Variants in FOLH1 observed in about 807,000 individuals in gnomAD.
FOLH1 encodes folate hydrolase 1, also known as glutamate carboxypeptidase 2.
FOLH1 carries 54 observed loss-of-function variants against 93.9 expected under a neutral mutation model. That is an observed-to-expected ratio of 0.57 (90% CI 0.46 to 0.72). The LOEUF is 0.72. Ranked by LOEUF, FOLH1 falls within the 30% of genes least tolerant of loss-of-function variation. The pLI is 0.00. For synonymous variants in FOLH1, 249 were observed against 303.6 expected, an observed-to-expected ratio of 0.82 and a Z score of 1.87; for missense variants, 571 against 892.5, an observed-to-expected ratio of 0.64 and a Z score of 4.59.
intron 11 of FOLH1, among the ~76,000 whole-genome samples, chr11:49,169,831 T>C (rs903442733): frequency 6.6e-6 from 1 of 152,188 alleles, no homozygotes; most frequent in Non-Finnish European, 1.5e-5. Context: ...AAAGTTTTTT[T>C]GAGATATCAA....
chr11:49,191,503 A>G (rs1489824022), intron 4 of FOLH1, among the ~76,000 whole-genome samples: 2 of 152,196 alleles, frequency 1.3e-5, no homozygotes, highest in Admixed American at 6.5e-5. Flanking sequence ...TTTTAAGTCT[A>G]TTTGAAGGAA....
intron 3 of FOLH1, among the ~76,000 whole-genome samples, chr11:49,198,232 A>G (rs1284146863): frequency 6.6e-6 from 1 of 152,176 alleles, no homozygotes; most frequent in African/African-American, 2.4e-5. Flanking sequence ...AAAACTAACC[A>G]GCACTTTGGG....
At chr11:49,156,887 C>T in intron 14 of FOLH1, 80 bp from the exon 15 acceptor site, 1 of 1,585,322 alleles carries the variant, frequency 6.3e-7, no homozygotes, top group South Asian at 1.1e-5. Flanking sequence ...AAACTAAACC[C>T]CATTCTTACT....
At chr11:49,188,386 C>T (rs1205504287) in intron 4 of FOLH1, among the ~76,000 whole-genome samples, 1 of 151,500 alleles carries the variant, frequency 6.6e-6, no homozygotes, top group African/African-American at 2.4e-5. Flanking sequence ...GTGGTGGCAC[C>T]GCCTGTAATC....
chr11:49,185,691 G>A lies in FOLH1; in HGVS notation c.804C>T (p.Leu268=). Residue 268 remains leucine, a synonymous_variant, in exon 6 of 19, where the codon CTC becomes CTT. Coordinates refer to ENST00000256999, the MANE Select transcript of FOLH1 (RefSeq NM_004476.3). The part of the protein sequence containing the change: ...ILNLNGAGDP[L]TPGYPANEYA... ...CACCATTTGCTGGGTAACCTGGTGT[G>A]AGAGGGTCTCCTGCACCATTCAGAT... The A allele has an allele frequency of 1.9e-6, 3 of 1,613,818 alleles. No homozygotes were observed. Among genetic ancestry groups the A allele is most frequent in the Non-Finnish European group, 2.5e-6 (3 of 1,179,800 alleles).
At chr11:49,200,531 T>C in intron 2 of FOLH1, 90 bp from the exon 3 acceptor site, 1 of 1,382,986 alleles carries the variant, frequency 7.2e-7, no homozygotes, top group South Asian at 1.3e-5. Context: ...TACACAAAAG[T>C]ACTTTGAAGT....
rs1427675907 is a variant in FOLH1 at position 49,146,359 on chromosome 11, G to C, written c.*397C>G. Reference sequence around the variant, plus strand: ...AGCCCAGGCTGGCCAGGTAGGCCGTGAGGCCTCTGGCTTGGGATAATCTTG... The same window carrying C: ...AGCCCAGGCTGGCCAGGTAGGCCGTCAGGCCTCTGGCTTGGGATAATCTTG... On this transcript the variant is annotated 3_prime_UTR_variant, in exon 19 of 19. Coordinates refer to ENST00000256999, the MANE Select transcript of FOLH1 (RefSeq NM_004476.3). Among the ~76,000 whole-genome samples the C allele has an allele frequency of 6.6e-6, 1 of 152,222 alleles. No individual in the cohort carries two copies. Among genetic ancestry groups the C allele is most frequent in the East Asian group, 1.9e-4 (1 of 5,192 alleles).
intron 10 of FOLH1, among the ~76,000 whole-genome samples, chr11:49,172,777 A>T (rs1346201445): frequency 6.6e-6 from 1 of 152,216 alleles, no homozygotes; most frequent in Non-Finnish European, 1.5e-5. Flanking sequence ...ACTAAATTTT[A>T]CTTTGGCTTT....
At chr11:49,182,409 T>G (rs1860868553) in intron 7 of FOLH1, among the ~76,000 whole-genome samples, 2 of 150,142 alleles carry the variant, frequency 1.3e-5, no homozygotes, top group Non-Finnish European at 3.0e-5. Context: ...AATGCCAGGT[T>G]AAGCAGAACA....
At chr11:49,171,361 A>C in intron 10 of FOLH1, 84 bp from the exon 11 acceptor site, 1 of 1,451,894 alleles carries the variant, frequency 6.9e-7, no homozygotes, top group Non-Finnish European at 9.1e-7. Flanking sequence ...TGGAAAAAAA[A>C]AAAAAAAAGT....
At chr11:49,163,446 G>T (rs1036673171) in intron 13 of FOLH1, among the ~76,000 whole-genome samples, 4 of 151,848 alleles carry the variant, frequency 2.6e-5, no homozygotes, top group African/African-American at 9.7e-5. Context: ...GGTGGGAATG[G>T]CTAAGCCACC....
chr11:49,155,796 A>ATATAT (rs1856944679), intron 15 of FOLH1, among the ~76,000 whole-genome samples: 2 of 5,940 alleles, frequency 3.4e-4, no homozygotes, highest in Non-Finnish European at 6.1e-4. Flanking sequence ...AATGAAAACC[A>ATATAT]TATATATATA....
chr11:49,146,792 C>T lies in FOLH1; in HGVS notation c.2217G>A (p.Val739=), dbSNP rs1163195325. The change falls in exon 19 of 19, where the codon GTG becomes GTA. Residue 739 remains valine (V), a synonymous_variant. Coordinates refer to ENST00000256999, the MANE Select transcript of FOLH1 (RefSeq NM_004476.3). ...CACTCAAAGTCTCTGCAGCTGCCTGCACTGTGAAGGCTGCAACATAAATCT... is the reference window on the plus strand; with the variant it reads ...CACTCAAAGTCTCTGCAGCTGCCTGTACTGTGAAGGCTGCAACATAAATCT... ...KRQIYVAAFT[V]QAAAETLSEV... is the part of the protein sequence containing the mutation. 6.2e-7 allele frequency: 1 copy of T among 1,613,096 alleles called. No individual in the cohort carries two copies. The highest frequency in any genetic ancestry group is 8.5e-7 in the Non-Finnish European group (1 of 1,179,494).
intron 12 of FOLH1, among the ~76,000 whole-genome samples, chr11:49,165,844 A>G (rs1858324659): frequency 6.6e-6 from 1 of 152,226 alleles, no homozygotes; most frequent in African/African-American, 2.4e-5. Context: ...TATCTGGAAG[A>G]ATAAATATGT....
At chr11:49,170,458 T>TA (rs1365688946) in intron 11 of FOLH1, among the ~76,000 whole-genome samples, 1 of 151,968 alleles carries the variant, frequency 6.6e-6, no homozygotes, top group Non-Finnish European at 1.5e-5. Flanking sequence ...CTATTAAACA[T>TA]AAAAAAATTA....
intron 11 of FOLH1, among the ~76,000 whole-genome samples, 181 bp from the exon 12 acceptor site, chr11:49,169,439 C>T (rs202721): frequency 1.3e-5 from 2 of 152,014 alleles, no homozygotes; most frequent in African/African-American, 4.8e-5. Flanking sequence ...AAAGATTACT[C>T]GTAGGAAACA....
rs747681322 is a variant in FOLH1 at position 49,206,154 on chromosome 11, G to C, written c.137C>G (p.Ser46Cys). ...TGGAGTAATGTTAGTAGCTTCATTG[G>C]AGGATTTTATAAACCACCCTGAAAA... ...GFLFGWFIKS[S>C]NEATNITPKH... Residue 46 changes from serine to cysteine, a missense_variant, in exon 2 of 19, where the codon TCC (serine) becomes TGC (cysteine). Coordinates refer to ENST00000256999, the MANE Select transcript of FOLH1 (RefSeq NM_004476.3). 5.6e-6 allele frequency: 9 copies of C among 1,612,046 alleles called. No homozygotes were observed. The highest frequency in any genetic ancestry group is 3.3e-5 in the South Asian group (3 of 90,794).
chr11:49,165,687 A>G (rs1408727043), intron 12 of FOLH1, among the ~76,000 whole-genome samples: 1 of 152,224 alleles, frequency 6.6e-6, no homozygotes. Context: ...GTAAAAGCAC[A>G]TGAAACACTC....
At chr11:49,168,978 G>T (rs1386736523) in intron 12 of FOLH1, among the ~76,000 whole-genome samples, 2 of 152,056 alleles carry the variant, frequency 1.3e-5, no homozygotes, top group African/African-American at 2.4e-5. Context: ...AAAGAGAAAA[G>T]AAAACAAAAG....
Sources: gnomAD v4.1 joint callset for allele counts (sites outside exome capture counted in the v4.1 genomes callset) on GRCh38, gnomAD v4.1.1 for gene constraint, MANE v1.5 for transcripts, NCBI Gene and HGNC (gene_info 2026-07-23, HGNC 2026-07-21) for gene names.